TTLL12: variants seen among roughly 807,000 people sequenced by gnomAD.
TTLL12 encodes tubulin--tyrosine ligase-like protein 12.
In TTLL12, 77 loss-of-function variants were observed where a neutral mutation model predicts 79.6. The observed-to-expected ratio is 0.97, with a 90% CI of 0.81 to 1.17. TTLL12 has a LOEUF of 1.17. Ranked by LOEUF, TTLL12 falls within the 50% of genes most tolerant of loss-of-function variation. TTLL12 has a pLI of 0.00. For synonymous variants in TTLL12, 437 were observed against 376.1 expected, an observed-to-expected ratio of 1.16 and a Z score of -1.87; for missense variants, 969 against 895.9, an observed-to-expected ratio of 1.08 and a Z score of -1.04.
rs775224839 is a variant in TTLL12 at position 43,180,848 on chromosome 22, T to A, written c.440A>T (p.Asn147Ile). Residue 147 changes from asparagine to isoleucine, a missense_variant, in exon 3 of 14, where the codon AAC becomes ATC. Asn to Ile is a moderately radical substitution (Grantham distance 149). Coordinates refer to ENST00000216129, the MANE Select transcript of TTLL12 (RefSeq NM_015140.4). ...QVPGLLHRMANLMGIEFHGEL... is the reference protein window; with the variant it reads ...QVPGLLHRMAILMGIEFHGEL... ...ACCGTGGAACTCAATGCCCATCAGGTTGGCCATGCGGTGCAGCAGCCCGGG... is the reference window on the plus strand; with the variant it reads ...ACCGTGGAACTCAATGCCCATCAGGATGGCCATGCGGTGCAGCAGCCCGGG... 6.2e-7 allele frequency: 1 copy of A among 1,613,070 alleles called. No homozygotes were observed. The highest frequency in any genetic ancestry group is 1.1e-5 in the South Asian group (1 of 91,084).
chr22:43,183,570 A>C (rs998394063), intron 1 of TTLL12, among the ~76,000 whole-genome samples: 31 of 152,200 alleles, frequency 2.0e-4, no homozygotes, highest in Non-Finnish European at 4.4e-4. Flanking sequence ...CTGGGGGCAC[A>C]CCCCAATGCC....
At chr22:43,185,926 C>A (rs2146627982) in intron 1 of TTLL12, 1 of 981,820 alleles carries the variant, frequency 1.0e-6, no homozygotes, top group East Asian at 1.1e-4. Context: ...AGAGGAAACT[C>A]TCTGTTACAC....
At chr22:43,171,341 G>C (rs1203650762) in intron 11 of TTLL12, among the ~76,000 whole-genome samples, 1 of 152,176 alleles carries the variant, frequency 6.6e-6, no homozygotes, top group African/African-American at 2.4e-5. Context: ...GCCATTCACT[G>C]AGTGCCCACT....
In TTLL12 at chr22:43,180,808, T is replaced by G; in HGVS notation, c.480A>C (p.Thr160=). Residue 160 remains threonine (T), a synonymous_variant, in exon 3 of 14, where the codon ACA becomes ACC. Transcript: ENST00000216129. ...GIEFHGELPS[T]EAVALVLEEM... Reference sequence around the variant, plus strand: ...CCTCCAGCACCAGGGCCACAGCCTCTGTACTGGGCAGCTCACCGTGGAACT... The same window carrying G: ...CCTCCAGCACCAGGGCCACAGCCTCGGTACTGGGCAGCTCACCGTGGAACT... 6.2e-7 allele frequency: 1 copy of G among 1,613,220 alleles called. No homozygotes were observed. Among genetic ancestry groups the G allele is most frequent in the Non-Finnish European group, 8.5e-7 (1 of 1,179,992 alleles).
At chr22:43,184,002 G>A (rs1468156196) in intron 1 of TTLL12, among the ~76,000 whole-genome samples, 2 of 152,240 alleles carry the variant, frequency 1.3e-5, no homozygotes, top group African/African-American at 4.8e-5. Flanking sequence ...GGAGGATTAG[G>A]TGATTCATAC....
chr22:43,176,303 G>GT lies in TTLL12; in HGVS notation c.917+16_917+17insA, dbSNP rs753905675. The GT allele has an allele frequency of 2.4e-5, 29 of 1,209,096 alleles. No individual in the cohort carries two copies. The highest frequency in any genetic ancestry group is 3.0e-5 in the Non-Finnish European group (27 of 899,594). The allele number at this position is 1,209,096 out of a possible 1,614,324, so 74.9% of individuals were successfully genotyped here. A position where few individuals can be genotyped will look rare whatever the true frequency, so the allele number is the denominator to read the frequency against. ...GCGGACAAGTCCCAGCCCAAGCAGT[G>GT]GGGGGGGGCTACGCACTTGAAGATG... On this transcript the variant is annotated intron_variant, in intron 6 of 13. Transcript: ENST00000216129.
At position 43,168,072 on chromosome 22, in the gene TTLL12, T is replaced by C. The variant is rs1176877466; in HGVS notation, c.1871A>G (p.Asn624Ser). 1.9e-6 allele frequency: 3 copies of C among 1,614,034 alleles called. No homozygotes were observed. The highest frequency in any genetic ancestry group is 2.5e-6 in the Non-Finnish European group (3 of 1,179,966). Residue 624 changes from asparagine to serine, a missense_variant, in exon 14 of 14, where the codon AAC (asparagine) becomes AGC (serine). By Grantham distance (46) the Asn-to-Ser change is conservative. Coordinates refer to ENST00000216129, the MANE Select transcript of TTLL12 (RefSeq NM_015140.4). ...CAGAAACAAGGTGCTGAAGACGTCG[T>C]TGAAGAAGGTGGGGTGGTACCTGCA... ...RACRYHPTFF[N>S]DVFSTLFLDQ...
chr22:43,181,593 C>T (rs564502129), intron 2 of TTLL12, among the ~76,000 whole-genome samples: 84 of 152,320 alleles, frequency 5.5e-4, no homozygotes, highest in African/African-American at 1.9e-3. Context: ...ATCAACTGTC[C>T]CTACCCTGTA....
chr22:43,180,140 A>G, intron 3 of TTLL12, 140 bp from the exon 4 acceptor site: 3 of 1,043,144 alleles, frequency 2.9e-6, no homozygotes, highest in Non-Finnish European at 4.2e-6. Context: ...CAGGCCCTTT[A>G]GCTAAGCTAG....
intron 1 of TTLL12, among the ~76,000 whole-genome samples, chr22:43,184,593 A>T (rs574916625): frequency 6.6e-6 from 1 of 152,356 alleles, no homozygotes; most frequent in South Asian, 2.1e-4. Flanking sequence ...ATGAGAGACA[A>T]GGCACCTGAG....
At chr22:43,185,255 A>C (rs796665257) in intron 1 of TTLL12, among the ~76,000 whole-genome samples, 184 of 2,174 alleles carry the variant, frequency 0.085, 34 homozygotes, top group Non-Finnish European at 0.15. Context: ...AATTATATAT[A>C]TATATATATA....
intron 2 of TTLL12, 134 bp from the exon 3 acceptor site, chr22:43,181,074 T>C: frequency 9.7e-7 from 1 of 1,035,890 alleles, no homozygotes; most frequent in Non-Finnish European, 1.4e-6. Flanking sequence ...GGTGCCATAG[T>C]TATGCCTAGT....
At chr22:43,170,363 G>T in intron 11 of TTLL12, 1 of 192,878 alleles carries the variant, frequency 5.2e-6, no homozygotes. Flanking sequence ...TGTGGGGAGT[G>T]TGTGCTGGTA....
intron 5 of TTLL12, among the ~76,000 whole-genome samples, chr22:43,177,769 G>A (rs1931952447): frequency 1.3e-5 from 2 of 152,208 alleles, no homozygotes; most frequent in Admixed American, 1.3e-4. Flanking sequence ...CTTGAGGCCA[G>A]AGGCACCCCG....
At chr22:43,181,873 AG>A (rs1932065295) in intron 2 of TTLL12, among the ~76,000 whole-genome samples, 1 of 152,220 alleles carries the variant, frequency 6.6e-6, no homozygotes, top group African/African-American at 2.4e-5. Context: ...CACGTGATGC[AG>A]GGCAGAGCCA....
intron 9 of TTLL12, 38 bp from the exon 10 acceptor site, chr22:43,172,592 CA>C (rs1173931624): frequency 1.2e-6 from 2 of 1,612,732 alleles, no homozygotes; most frequent in Admixed American, 1.7e-5. Flanking sequence ...GTGGCCAGGA[CA>C]GAGCCCCCTG....
intron 2 of TTLL12, among the ~76,000 whole-genome samples, chr22:43,181,356 T>C (rs1932052115): frequency 6.6e-6 from 1 of 152,264 alleles, no homozygotes; most frequent in Non-Finnish European, 1.5e-5. Flanking sequence ...GCTGCCCATC[T>C]TGTGGCCTGC....
At position 43,180,827 on chromosome 22, in the gene TTLL12, T is replaced by C. The variant is rs748878190; in HGVS notation, c.461A>G (p.His154Arg). Residue 154 changes from histidine (H) to arginine (R), a missense_variant, in exon 3 of 14, where the codon CAC (histidine) becomes CGC (arginine). Coordinates refer to ENST00000216129, the MANE Select transcript of TTLL12 (RefSeq NM_015140.4). ...RMANLMGIEF[H>R]GELPSTEAVA... ...AGCCTCTGTACTGGGCAGCTCACCGTGGAACTCAATGCCCATCAGGTTGGC... is the reference window on the plus strand; with the variant it reads ...AGCCTCTGTACTGGGCAGCTCACCGCGGAACTCAATGCCCATCAGGTTGGC... 5 of 1,613,000 alleles carry C rather than the reference T, an allele frequency of 3.1e-6. No homozygotes were observed. The highest frequency in any genetic ancestry group is 3.4e-6 in the Non-Finnish European group (4 of 1,179,982).
intron 9 of TTLL12, among the ~76,000 whole-genome samples, chr22:43,172,843 GCCCGCCAC>G (rs1158398660): frequency 2.0e-5 from 3 of 151,810 alleles, no homozygotes; most frequent in Non-Finnish European, 4.4e-5. Flanking sequence ...GATTACAGGT[GCCCGCCAC>G]CACCCCCAGC....
Sources: allele counts gnomAD v4.1 joint callset (sites outside exome capture counted in the v4.1 genomes callset), GRCh38; gene constraint gnomAD v4.1.1; transcripts MANE v1.5; gene names NCBI Gene and HGNC (gene_info 2026-07-23, HGNC 2026-07-21).